RPLP2: variants seen among roughly 807,000 people sequenced by gnomAD.
The protein encoded by RPLP2 is ribosomal protein lateral stalk subunit P2.
RPLP2 carries 1 observed loss-of-function variant against 11.5 expected under a neutral mutation model. The ratio of observed to expected loss-of-function variants is 0.09; its 90% confidence interval spans 0.03 to 0.41. RPLP2 has a LOEUF of 0.41. RPLP2 is among the 10% of genes least tolerant of loss of function. The pLI is 0.98. For synonymous variants in RPLP2, 82 were observed against 55.9 expected (o/e 1.47, Z -2.08); for missense variants, 177 against 145.6 (o/e 1.22, Z -1.11).
chr11:811,858 G>A (rs778129574), intron 3 of RPLP2: 11 of 767,484 alleles, frequency 1.4e-5, no homozygotes, highest in East Asian at 7.4e-5. Flanking sequence ...CTCAGCAGAC[G>A]TTTAGGTGGC....
In RPLP2 at chr11:812,744, C is replaced by T; in HGVS notation, c.272-16C>T. 4 of 1,613,080 alleles carry T rather than the reference C, an allele frequency of 2.5e-6. No homozygotes were observed. The highest frequency in any genetic ancestry group is 1.1e-5 in the South Asian group (1 of 91,040). On this transcript the variant is annotated splice_polypyrimidine_tract_variant and intron_variant, in intron 4 of 4. Transcript: ENST00000321153. ...CACTTGGGCAGTGCTCACCATGCCTCTCCTCTGTTCCACAGCAGAGGAGAA... is the reference window on the plus strand; with the variant it reads ...CACTTGGGCAGTGCTCACCATGCCTTTCCTCTGTTCCACAGCAGAGGAGAA...
chr11:811,247 C>T (rs1055721496), intron 2 of RPLP2: 10 of 334,814 alleles, frequency 3.0e-5, no homozygotes, highest in Admixed American at 4.5e-5. Flanking sequence ...CACTTGAGCC[C>T]GGGAGGTCAA....
intron 1 of RPLP2, 26 bp from the exon 2 acceptor site, chr11:810,208 C>T (rs1865982521): frequency 2.0e-6 from 3 of 1,488,518 alleles, no homozygotes; most frequent in Non-Finnish European, 1.8e-6. Flanking sequence ...GTAACTCCGC[C>T]GTCGCGTCCT....
chr11:811,492 C>A, intron 2 of RPLP2, 105 bp from the exon 3 acceptor site: 2 of 1,384,232 alleles, frequency 1.4e-6, no homozygotes, highest in Non-Finnish European at 2.0e-6. Context: ...AACTTCAGGG[C>A]CTATTCCCAT....
rs527657966 is a variant in RPLP2, at chr11:812,408, A to C, written c.173-127A>C. 4.9e-6 allele frequency: 6 copies of C among 1,226,800 alleles called. No individual in the cohort carries two copies. In the East Asian group the frequency reaches 1.5e-4, roughly 31 times the overall value. 76.0% of individuals were successfully genotyped at this position (1,226,800 alleles called of 1,614,324 possible). A position where few individuals can be genotyped will look rare whatever the true frequency, so the allele number is the denominator to read the frequency against. On this transcript the variant is annotated intron_variant, in intron 3 of 4. Coordinates refer to ENST00000321153, the MANE Select transcript of RPLP2 (RefSeq NM_001004.4). ...AGGGAGTGTTCAGGAAGAACGGGAG[A>C]CACTGGCATATGGTGGGTCCAGATA...
At chr11:811,505 G>A in intron 2 of RPLP2, 92 bp from the exon 3 acceptor site, 1 of 1,516,746 alleles carries the variant, frequency 6.6e-7, no homozygotes, top group East Asian at 2.3e-5. Flanking sequence ...ATTCCCATGT[G>A]GGGAACCCAG....
chr11:812,039 T>A, intron 3 of RPLP2: 3 of 400,744 alleles, frequency 7.5e-6, no homozygotes, highest in Non-Finnish European at 1.4e-5. Context: ...GCTCCTTGCC[T>A]CTTTGTTGGG....
chr11:810,500 A>G (rs1865998682), intron 2 of RPLP2, 143 bp downstream of exon 2: 2 of 816,340 alleles, frequency 2.4e-6, no homozygotes, highest in South Asian at 2.1e-5. Flanking sequence ...ATAGAGAAGT[A>G]AGCCGGGCGG....
rs1565077970 is a variant in RPLP2, at chr11:810,278, A to T, written c.44A>T (p.Asn15Ile). 1.2e-6 allele frequency: 2 copies of T among 1,606,218 alleles called. No individual in the cohort carries two copies. The highest frequency in any genetic ancestry group is 1.1e-5 in the South Asian group (1 of 90,132). Residue 15 changes from asparagine (N) to isoleucine (I), a missense_variant, in exon 2 of 5, where the codon AAC becomes ATC. Asn to Ile is a moderately radical substitution (Grantham distance 149). Coordinates refer to ENST00000321153, the MANE Select transcript of RPLP2 (RefSeq NM_001004.4). ...TACCTGCTGGCTGCCCTAGGGGGCA[A>T]CTCCTCCCCCAGCGCCAAGGACATC... is the stretch of plus-strand genomic sequence containing the variant. ...ASYLLAALGG[N>I]SSPSAKDIKK... is the part of the protein sequence containing the mutation.
At chr11:811,839 C>T (rs975527237) in intron 3 of RPLP2, 194 bp downstream of exon 3, 2 of 792,194 alleles carry the variant, frequency 2.5e-6, no homozygotes, top group Non-Finnish European at 4.6e-6. Context: ...GCAGGGGGCA[C>T]CCTGTGTTCT....
In RPLP2 at chr11:810,227, G is replaced by T. The variant is rs529786599; in HGVS notation, c.-1-7G>T. ...CTCCGCCGTCGCGTCCTCTCCGCCCGCCTCAGGATGCGCTACGTCGCCTCC... is the reference window on the plus strand; with the variant it reads ...CTCCGCCGTCGCGTCCTCTCCGCCCTCCTCAGGATGCGCTACGTCGCCTCC... On this transcript the variant is annotated splice_region_variant and splice_polypyrimidine_tract_variant and intron_variant, in intron 1 of 4. Transcript: ENST00000321153. The T allele has an allele frequency of 3.2e-6, 5 of 1,547,584 alleles. No homozygotes were observed. The highest frequency in any genetic ancestry group is 2.0e-5 in the Admixed American group (1 of 51,146).
rs775124550 is a variant in RPLP2 at position 811,669 on chromosome 11, CGTTT to C, written c.172+29_172+32del. 2.9e-5 allele frequency: 47 copies of C among 1,614,180 alleles called. No individual in the cohort carries two copies. In the African/African-American group the frequency reaches 6.0e-4, roughly 21 times the overall value. On this transcript the variant is annotated intron_variant, in intron 3 of 4. Coordinates refer to ENST00000321153, the MANE Select transcript of RPLP2 (RefSeq NM_001004.4). ...GGGTGAGTTGATGTGGACGGGCTTTCGTTTGTTTTCATGGTCCATCCTAATCCCT... is the reference window on the plus strand; with the variant it reads ...GGGTGAGTTGATGTGGACGGGCTTTCGTTTTCATGGTCCATCCTAATCCCT...
At chr11:811,546 G>T (rs751398072) in intron 2 of RPLP2, 51 bp from the exon 3 acceptor site, 2 of 1,610,388 alleles carry the variant, frequency 1.2e-6, no homozygotes, top group Non-Finnish European at 1.7e-6. Context: ...GGAGAGGGCC[G>T]GGGATACAAT....
rs1020907453 is a variant in RPLP2 at position 810,054 on chromosome 11, C to G, written c.-2+15C>G. On this transcript the variant is annotated intron_variant, in intron 1 of 4. Coordinates refer to ENST00000321153, the MANE Select transcript of RPLP2 (RefSeq NM_001004.4). ...GACGCCGCCGCGTGAGTGTGGTGAC[C>G]GGGCCCGGGGTGCCGGCTGGGGACG... 1.4e-6 allele frequency: 1 copy of G among 704,326 alleles called. No individual in the cohort carries two copies. Among genetic ancestry groups the G allele is most frequent in the African/African-American group, 1.9e-5 (1 of 52,842 alleles). The allele number at this position is 704,326 out of a possible 1,614,324, so 43.6% of individuals were successfully genotyped here.
chr11:810,809 C>T (rs1445204472), intron 2 of RPLP2, among the ~76,000 whole-genome samples: 1 of 139,800 alleles, frequency 7.2e-6, no homozygotes, highest in Non-Finnish European at 1.5e-5. Flanking sequence ...AAAAAAAAAG[C>T]AGGGTGGGTA....
intron 2 of RPLP2, 48 bp from the exon 3 acceptor site, chr11:811,549 G>T: frequency 1.2e-6 from 2 of 1,611,866 alleles, no homozygotes; most frequent in Non-Finnish European, 1.7e-6. Flanking sequence ...GAGGGCCGGG[G>T]ATACAATCGT....
intron 2 of RPLP2, 153 bp from the exon 3 acceptor site, chr11:811,444 T>C (rs1866057485): frequency 2.6e-6 from 2 of 758,346 alleles, no homozygotes; most frequent in East Asian, 2.7e-5. Context: ...ACTTCCCAAG[T>C]GAGGCTGGTG....
At chr11:810,096 G>A in intron 1 of RPLP2, 57 bp downstream of exon 1, 1 of 1,066,660 alleles carries the variant, frequency 9.4e-7, no homozygotes, top group Non-Finnish European at 1.2e-6. Flanking sequence ...CCGTGGGGAT[G>A]CGGGGTGGGC....
At chr11:812,486 C>T (rs771434862) in intron 3 of RPLP2, 49 bp from the exon 4 acceptor site, 1 of 1,599,116 alleles carries the variant, frequency 6.3e-7, no homozygotes. Context: ...TGTGGAACAG[C>T]CTCCCAGGCT....
Sources: gnomAD v4.1 joint callset for allele counts (sites outside exome capture counted in the v4.1 genomes callset) on GRCh38, gnomAD v4.1.1 for gene constraint, MANE v1.5 for transcripts, NCBI Gene and HGNC (gene_info 2026-07-23, HGNC 2026-07-21) for gene names.